The following PDSS2 variants were observed in gnomAD, a reference collection of about 807,000 sequenced individuals.
PDSS2 encodes decaprenyl diphosphate synthase subunit 2.
In PDSS2, 31 loss-of-function variants were observed where a neutral mutation model predicts 44.5. The ratio of observed to expected loss-of-function variants is 0.70; its 90% CI spans 0.52 to 0.94. The LOEUF is 0.94. Ranked by LOEUF, PDSS2 falls within the 40% of genes least tolerant of loss-of-function variation. The pLI is 0.00. For synonymous variants in PDSS2, 157 were observed against 180.3 expected (o/e 0.87, Z 1.03); for missense variants, 452 against 482.2 (o/e 0.94, Z 0.59).
At chr6:107,315,807 A>G (rs1777180892) in intron 2 of PDSS2, among the ~76,000 whole-genome samples, 1 of 152,212 alleles carries the variant, frequency 6.6e-6, no homozygotes, top group African/African-American at 2.4e-5. Flanking sequence ...GGGAAGTAAC[A>G]GCTAAAGTGA....
intron 1 of PDSS2, among the ~76,000 whole-genome samples, chr6:107,351,483 A>G (rs1485217086): frequency 1.3e-5 from 2 of 152,172 alleles, no homozygotes; most frequent in Admixed American, 6.5e-5. Context: ...AAGCCTATCA[A>G]GATGCTTGAC....
intron 1 of PDSS2, among the ~76,000 whole-genome samples, chr6:107,349,884 A>G (rs1778378985): frequency 6.6e-6 from 1 of 152,262 alleles, no homozygotes; most frequent in Admixed American, 6.5e-5. Context: ...AATTATTCCA[A>G]TAATGTCCTT....
chr6:107,350,601 G>T (rs573389387), intron 1 of PDSS2, among the ~76,000 whole-genome samples: 1 of 152,152 alleles, frequency 6.6e-6, no homozygotes, highest in Non-Finnish European at 1.5e-5. Flanking sequence ...AGGATTTGGA[G>T]ACTAGCCTGG....
At chr6:107,443,865 C>A (rs371545777) in intron 1 of PDSS2, among the ~76,000 whole-genome samples, 1 of 152,116 alleles carries the variant, frequency 6.6e-6, no homozygotes, top group African/African-American at 2.4e-5. Context: ...TTGTTCACTA[C>A]GGCATTTATC....
At chr6:107,215,755 C>T (rs1040930301) in intron 4 of PDSS2, among the ~76,000 whole-genome samples, 2 of 152,064 alleles carry the variant, frequency 1.3e-5, no homozygotes, top group Non-Finnish European at 1.5e-5. Flanking sequence ...ATTGTATTAA[C>T]TATAGCTTTC....
At chr6:107,394,546 C>G (rs1008555971) in intron 1 of PDSS2, among the ~76,000 whole-genome samples, 2 of 152,124 alleles carry the variant, frequency 1.3e-5, no homozygotes, top group African/African-American at 4.8e-5. Context: ...AGATAAACCA[C>G]CCCCCATGAT....
At chr6:107,273,917 G>A (rs1775685579) in intron 3 of PDSS2, 112 bp downstream of exon 3, 1 of 787,982 alleles carries the variant, frequency 1.3e-6, no homozygotes, top group Non-Finnish European at 2.3e-6. Flanking sequence ...TGTTTACTGA[G>A]CATGTACATG....
chr6:107,210,961 A>G (rs1022914842), intron 5 of PDSS2, among the ~76,000 whole-genome samples: 2 of 148,780 alleles, frequency 1.3e-5, no homozygotes, highest in Admixed American at 6.9e-5. Flanking sequence ...GCGCCACTGC[A>G]CTCCCCTCTG....
intron 1 of PDSS2, among the ~76,000 whole-genome samples, chr6:107,388,393 C>T (rs115944943): frequency 5.3e-5 from 8 of 151,608 alleles, no homozygotes; most frequent in East Asian, 1.9e-4. Flanking sequence ...CATGCTCCTA[C>T]GTATTTATTC....
intron 3 of PDSS2, among the ~76,000 whole-genome samples, chr6:107,259,978 G>T (rs1363918972): frequency 6.6e-6 from 1 of 152,148 alleles, no homozygotes; most frequent in Admixed American, 6.6e-5. Context: ...CCAGATTTCT[G>T]CCTGACTTTA....
At chr6:107,245,669 A>G in intron 3 of PDSS2, 50 bp from the exon 4 acceptor site, 3 of 1,141,132 alleles carry the variant, frequency 2.6e-6, no homozygotes, top group Non-Finnish European at 3.8e-6. Context: ...ATATATCTCT[A>G]TTGTTACCTC....
At chr6:107,382,592 T>A (rs1224672939) in intron 1 of PDSS2, among the ~76,000 whole-genome samples, 2 of 152,178 alleles carry the variant, frequency 1.3e-5, no homozygotes, top group African/African-American at 2.4e-5. Flanking sequence ...ATTCTAGCAC[T>A]TTGGAAGACC....
chr6:107,295,296 T>C (rs990611430), intron 2 of PDSS2, among the ~76,000 whole-genome samples: 5 of 152,200 alleles, frequency 3.3e-5, no homozygotes, highest in Non-Finnish European at 7.4e-5. Flanking sequence ...AACCTAAGGA[T>C]TCTACTAAGA....
At chr6:107,427,134 T>C (rs190684540) in intron 1 of PDSS2, among the ~76,000 whole-genome samples, 6 of 152,284 alleles carry the variant, frequency 3.9e-5, no homozygotes, top group Admixed American at 2.6e-4. Context: ...AGGAACCCAA[T>C]GAGAGGTGAT....
intron 2 of PDSS2, among the ~76,000 whole-genome samples, chr6:107,311,464 T>A (rs1040422677): frequency 4.6e-5 from 7 of 152,086 alleles, no homozygotes; most frequent in Non-Finnish European, 5.9e-5. Context: ...TGATTCAGCC[T>A]CCTAAAGTGC....
At chr6:107,255,952 G>A (rs983940253) in intron 3 of PDSS2, among the ~76,000 whole-genome samples, 3 of 152,100 alleles carry the variant, frequency 2.0e-5, no homozygotes, top group Non-Finnish European at 4.4e-5. Context: ...TTTCAATCTT[G>A]TAGGCTTGTA....
chr6:107,348,093 TG>T (rs1446069984), intron 1 of PDSS2, among the ~76,000 whole-genome samples: 1 of 152,086 alleles, frequency 6.6e-6, no homozygotes, highest in African/African-American at 2.4e-5. Context: ...AATAAGACAA[TG>T]GAATTTCTGG....
At chr6:107,402,468 ATATATG>A in intron 1 of PDSS2, among the ~76,000 whole-genome samples, 1 of 139,602 alleles carries the variant, frequency 7.2e-6, no homozygotes, top group African/African-American at 2.7e-5. Context: ...ATATACGTAT[ATATATG>A]TATACATATA....
At position 107,161,781 on chromosome 6, in the gene PDSS2, C is replaced by T. The variant is rs140952305; in HGVS notation, c.1042-7004G>A. 5.0e-4 allele frequency among the ~76,000 whole-genome samples: 76 copies of T among 152,298 alleles called. No individual in the cohort carries two copies. In the East Asian group the frequency reaches 0.011, roughly 23 times the overall value. ...CAGAAAAAGTCTGCTGACTCAAGTA[C>T]TAGTGCTATGAATGACCATAGATTC... On this transcript the variant is annotated intron_variant, in intron 7 of 7. Transcript: ENST00000369037.
Sources: gnomAD v4.1 joint callset for allele counts (sites outside exome capture counted in the v4.1 genomes callset) on GRCh38, gnomAD v4.1.1 for gene constraint, MANE v1.5 for transcripts, NCBI Gene and HGNC (gene_info 2026-07-23, HGNC 2026-07-21) for gene names.